Variants in NKAIN2 observed in about 807,000 individuals in gnomAD.
NKAIN2 encodes sodium/potassium-transporting ATPase subunit beta-1-interacting protein 2.
In NKAIN2, 14 loss-of-function variants were observed where a neutral mutation model predicts 32.6. That is an observed-to-expected ratio of 0.43 (90% CI 0.28 to 0.67). The LOEUF (loss-of-function observed/expected upper bound fraction) is 0.67. NKAIN2 is among the 30% of genes least tolerant of loss of function. The probability of loss-of-function intolerance (pLI) is 0.17; values close to 1 mark genes in which losing one functional copy is unlikely to be tolerated. For synonymous variants in NKAIN2, 80 were observed against 87.2 expected, an observed-to-expected ratio of 0.92 and a Z score of 0.46; for missense variants, 198 against 258.3, an observed-to-expected ratio of 0.77 and a Z score of 1.60.
intron 3 of NKAIN2, among the ~76,000 whole-genome samples, chr6:124,636,265 T>C (rs1325611788): frequency 6.6e-6 from 1 of 151,710 alleles, no homozygotes; most frequent in Non-Finnish European, 1.5e-5. Flanking sequence ...CAAAAACCTA[T>C]GGGTTACAGA....
At chr6:124,785,255 A>G (rs1030753360) in intron 4 of NKAIN2, among the ~76,000 whole-genome samples, 5 of 151,920 alleles carry the variant, frequency 3.3e-5, no homozygotes, top group East Asian at 1.9e-4. Flanking sequence ...TCTTCCTTAT[A>G]TATTCTGTTT....
intron 3 of NKAIN2, among the ~76,000 whole-genome samples, chr6:124,567,500 T>A (rs961878802): frequency 1.3e-5 from 2 of 152,226 alleles, no homozygotes; most frequent in Non-Finnish European, 2.9e-5. Context: ...GTGAGCTCCG[T>A]GAGGGTAGGG....
intron 3 of NKAIN2, among the ~76,000 whole-genome samples, chr6:124,505,934 G>A (rs891667146): frequency 6.6e-6 from 1 of 152,134 alleles, no homozygotes; most frequent in Admixed American, 6.6e-5. Context: ...AGCACTTTGG[G>A]AGGCCGAGGC....
chr6:124,715,502 G>A (rs1353225675), intron 4 of NKAIN2, among the ~76,000 whole-genome samples: 2 of 152,174 alleles, frequency 1.3e-5, no homozygotes, highest in East Asian at 3.9e-4. Context: ...TGATCACTCT[G>A]TAAGCAGATC....
intron 4 of NKAIN2, among the ~76,000 whole-genome samples, chr6:124,691,781 T>C (rs1486875274): frequency 6.6e-6 from 1 of 152,128 alleles, no homozygotes; most frequent in African/African-American, 2.4e-5. Flanking sequence ...TGAGGCCCTC[T>C]CTCACACCAC....
chr6:124,616,847 T>C (rs1278297967), intron 3 of NKAIN2, among the ~76,000 whole-genome samples: 1 of 152,186 alleles, frequency 6.6e-6, no homozygotes, highest in Non-Finnish European at 1.5e-5. Flanking sequence ...CTGATAGTGC[T>C]ATGCATACAT....
intron 1 of NKAIN2, among the ~76,000 whole-genome samples, chr6:124,267,581 C>T (rs572074127): frequency 1.3e-5 from 2 of 149,940 alleles, no homozygotes; most frequent in African/African-American, 4.9e-5. Flanking sequence ...TGGTATAATA[C>T]AGTGGATATA....
intron 3 of NKAIN2, among the ~76,000 whole-genome samples, chr6:124,578,094 ACT>A (rs1781396438): frequency 1.3e-5 from 2 of 150,210 alleles, no homozygotes; most frequent in Admixed American, 1.3e-4. Context: ...CTTGGGTAAG[ACT>A]CAGAGACAAG....
At chr6:124,593,781 A>AT (rs1387197223) in intron 3 of NKAIN2, among the ~76,000 whole-genome samples, 1 of 152,166 alleles carries the variant, frequency 6.6e-6, no homozygotes. Context: ...TAAAGGAAGG[A>AT]TTTAAAACAT....
At chr6:124,317,132 AT>A (rs71805157) in intron 2 of NKAIN2, among the ~76,000 whole-genome samples, 9,940 of 151,822 alleles carry the variant, frequency 0.065, 461 homozygotes, top group African/African-American at 0.14. Flanking sequence ...TCTTTAAAAA[AT>A]AAAATAAAAT....
intron 1 of NKAIN2, among the ~76,000 whole-genome samples, chr6:123,933,122 A>G (rs1474377134): frequency 6.6e-6 from 1 of 152,226 alleles, no homozygotes; most frequent in Non-Finnish European, 1.5e-5. Flanking sequence ...GAAGAATGAA[A>G]ATATGGGACC....
chr6:124,551,119 A>G (rs1246305688), intron 3 of NKAIN2, among the ~76,000 whole-genome samples: 2 of 152,206 alleles, frequency 1.3e-5, no homozygotes, highest in Non-Finnish European at 2.9e-5. Flanking sequence ...CCAGCTGACT[A>G]TAATTGAGAA....
At chr6:124,434,887 T>A (rs1332503887) in intron 3 of NKAIN2, among the ~76,000 whole-genome samples, 1 of 152,170 alleles carries the variant, frequency 6.6e-6, no homozygotes, top group Non-Finnish European at 1.5e-5. Flanking sequence ...GGTCAGAGAA[T>A]TTGAAGCTAA....
intron 3 of NKAIN2, among the ~76,000 whole-genome samples, chr6:124,444,397 T>G (rs1296674796): frequency 6.6e-6 from 1 of 152,082 alleles, no homozygotes; most frequent in Non-Finnish European, 1.5e-5. Flanking sequence ...TCCAGACTCA[T>G]GTTTAACTAG....
intron 1 of NKAIN2, among the ~76,000 whole-genome samples, chr6:124,230,248 T>A (rs1792379187): frequency 6.6e-6 from 1 of 152,122 alleles, no homozygotes; most frequent in South Asian, 2.1e-4. Context: ...TTGAGAGAGA[T>A]GATTTAGGGT....
In NKAIN2 at chr6:124,824,279, CTT is replaced by C. The variant is rs1781506457; in HGVS notation, c.*1053_*1054del. On this transcript the variant is annotated 3_prime_UTR_variant, in exon 7 of 7. Coordinates refer to ENST00000368417, the MANE Select transcript of NKAIN2 (RefSeq NM_001040214.3). The stretch of plus-strand genomic sequence containing the variant: ...TGAATATGTATTAGCTATGTTTACT[CTT>C]TTATATCTAATTCAAATTGAAGACT... The C allele has an allele frequency of 6.6e-6, 1 of 152,242 alleles. No individual in the cohort carries two copies. Among genetic ancestry groups the C allele is most frequent in the African/African-American group, 2.4e-5 (1 of 41,316 alleles). The allele number at this position is 152,242 out of a possible 1,614,324, so 9.4% of individuals were successfully genotyped here.
rs563926702 is a variant in NKAIN2, at chr6:124,187,329, G to A, written c.55-95676G>A. 2.6e-5 allele frequency among the ~76,000 whole-genome samples: 4 copies of A among 152,158 alleles called. No homozygotes were observed. In the East Asian group the frequency reaches 7.7e-4, roughly 29 times the overall value. Reference sequence around the variant, plus strand: ...AAAAACCAACATGATTTGAAAACATGTTCTTTTTATTCTGACTCTCAAATG... The same window carrying A: ...AAAAACCAACATGATTTGAAAACATATTCTTTTTATTCTGACTCTCAAATG... On this transcript the variant is annotated intron_variant, in intron 1 of 6. Transcript: ENST00000368417.
intron 2 of NKAIN2, among the ~76,000 whole-genome samples, chr6:124,310,252 A>AT (rs892569359): frequency 1.1e-4 from 16 of 151,632 alleles, no homozygotes; most frequent in South Asian, 4.2e-4. Flanking sequence ...ATTTATGTAG[A>AT]TTTTTTTTTG....
intron 3 of NKAIN2, among the ~76,000 whole-genome samples, chr6:124,566,147 T>A (rs1449087168): frequency 6.6e-6 from 1 of 152,204 alleles, no homozygotes; most frequent in African/African-American, 2.4e-5. Context: ...TCTGTCTGTG[T>A]TCAATTATTT....
Sources: gnomAD v4.1 joint callset for allele counts (sites outside exome capture counted in the v4.1 genomes callset) on GRCh38, gnomAD v4.1.1 for gene constraint, MANE v1.5 for transcripts, NCBI Gene and HGNC (gene_info 2026-07-23, HGNC 2026-07-21) for gene names.